Variants in PTGR1 observed in about 807,000 individuals in gnomAD.
PTGR1 encodes prostaglandin reductase 1.
A neutral mutation model predicts 37.7 loss-of-function variants in PTGR1; 23 were observed. The observed-to-expected ratio is 0.61, with a 90% CI of 0.44 to 0.86. The LOEUF (loss-of-function observed/expected upper bound fraction) is 0.86. Ranked by LOEUF, PTGR1 falls within the 40% of genes least tolerant of loss-of-function variation. The pLI, the probability that PTGR1 is intolerant of heterozygous loss-of-function variation, is 0.00. For synonymous variants in PTGR1, 134 were observed against 140.0 expected (o/e 0.96, Z 0.30); for missense variants, 351 against 394.3 (o/e 0.89, Z 0.93).
At chr9:111,571,947 G>T (rs1170015455) in intron 8 of PTGR1, among the ~76,000 whole-genome samples, 2 of 152,186 alleles carry the variant, frequency 1.3e-5, no homozygotes, top group African/African-American at 4.8e-5. Flanking sequence ...GTGTAAGGAA[G>T]AAAAAGTTTT....
chr9:111,593,936 T>C (rs1027159005), intron 3 of PTGR1, among the ~76,000 whole-genome samples: 3 of 140,648 alleles, frequency 2.1e-5, no homozygotes, highest in African/African-American at 5.3e-5. Context: ...TTTTTCCTTC[T>C]TTTTTTTTTT....
Position 111,565,912 on chromosome 9 carries a change from C to T in PTGR1, c.880-2681G>A, listed in dbSNP as rs73535446. Among the ~76,000 whole-genome samples, 524 of 152,172 alleles carry T rather than the reference C, an allele frequency of 3.4e-3. 4 individuals carry two copies. Among genetic ancestry groups the T allele is most frequent in the African/African-American group, 0.011 (475 of 41,506 alleles). On this transcript the variant is annotated intron_variant, in intron 9 of 9. Coordinates refer to ENST00000407693, the MANE Select transcript of PTGR1 (RefSeq NM_001146108.2). Reference sequence around the variant, plus strand: ...ATGTGAAAGAAATTAGGCCAACTCACGACTTAAAACCCACTAGGGCTGGGC... The same window carrying T: ...ATGTGAAAGAAATTAGGCCAACTCATGACTTAAAACCCACTAGGGCTGGGC...
intron 4 of PTGR1, among the ~76,000 whole-genome samples, chr9:111,590,778 G>A (rs1829586160): frequency 6.6e-6 from 1 of 151,870 alleles, no homozygotes; most frequent in African/African-American, 2.4e-5. Flanking sequence ...CATCCAAGAG[G>A]GTAAAGAATA....
At chr9:111,591,319 T>C (rs1287989203) in intron 4 of PTGR1, among the ~76,000 whole-genome samples, 2 of 149,260 alleles carry the variant, frequency 1.3e-5, no homozygotes, top group Non-Finnish European at 3.0e-5. Flanking sequence ...AATAATAAAA[T>C]AAAATGAAAT....
chr9:111,578,693 A>G (rs1829165100), intron 7 of PTGR1, 103 bp downstream of exon 7: 2 of 1,008,938 alleles, frequency 2.0e-6, no homozygotes, highest in African/African-American at 1.7e-5. Context: ...CCAGTTCCTG[A>G]TAGGCTATGG....
chr9:111,578,760 A>G (rs1829168034), intron 7 of PTGR1, 36 bp downstream of exon 7: 2 of 1,563,842 alleles, frequency 1.3e-6, no homozygotes, highest in African/African-American at 1.4e-5. Context: ...TAGTACTTCC[A>G]TAATAAATTA....
chr9:111,592,778 C>A, intron 4 of PTGR1, 148 bp downstream of exon 4: 3 of 1,105,080 alleles, frequency 2.7e-6, no homozygotes, highest in Non-Finnish European at 2.5e-6. Flanking sequence ...AGGAAGGAGA[C>A]AGAATTTCCC....
chr9:111,563,468 G>T, intron 9 of PTGR1: 3 of 387,082 alleles, frequency 7.8e-6, no homozygotes, highest in Middle Eastern at 7.2e-4. Flanking sequence ...ATCATAGTGC[G>T]AAATGTCATA....
At chr9:111,590,126 C>T (rs1257842917) in intron 4 of PTGR1, among the ~76,000 whole-genome samples, 1 of 151,972 alleles carries the variant, frequency 6.6e-6, no homozygotes, top group Non-Finnish European at 1.5e-5. Flanking sequence ...GAAGCTTTTA[C>T]AAATCAATAT....
intron 3 of PTGR1, among the ~76,000 whole-genome samples, chr9:111,593,456 G>A (rs934710175): frequency 6.6e-5 from 10 of 152,026 alleles, no homozygotes; most frequent in African/African-American, 1.7e-4. Context: ...ATTTACCGAG[G>A]CAAAAAAATA....
chr9:111,594,354 G>T, intron 2 of PTGR1, 87 bp from the exon 3 acceptor site: 1 of 1,222,684 alleles, frequency 8.2e-7, no homozygotes, highest in Non-Finnish European at 1.2e-6. Context: ...CAGGAGGGGT[G>T]AGACAGGGAC....
downstream of PTGR1, among the ~76,000 whole-genome samples, chr9:111,561,148 G>GGAGAGAGAGAGAGAGAGA (rs527553902): frequency 2.9e-5 from 1 of 34,848 alleles, no homozygotes; most frequent in Non-Finnish European, 4.9e-5. Flanking sequence ...GGAGAGAGAG[G>GGAGAGAGAGAGAGAGAGA]GAGAGAGAGA....
chr9:111,569,777 G>A (rs1042252329), intron 9 of PTGR1: 2 of 356,234 alleles, frequency 5.6e-6, no homozygotes, highest in Non-Finnish European at 5.4e-6. Flanking sequence ...CTCATATGTG[G>A]GTTTAAGGAA....
At chr9:111,580,867 G>A (rs191717988) in intron 6 of PTGR1, among the ~76,000 whole-genome samples, 3 of 152,084 alleles carry the variant, frequency 2.0e-5, no homozygotes, top group South Asian at 2.1e-4. Flanking sequence ...CTAGCATAGC[G>A]TCCCTAGGAA....
intron 9 of PTGR1, 172 bp downstream of exon 9, chr9:111,569,919 C>A: frequency 7.3e-6 from 8 of 1,089,966 alleles, no homozygotes; most frequent in Non-Finnish European, 1.0e-5. Flanking sequence ...GTTTTGTTTT[C>A]CTTTCAAAGA....
chr9:111,549,741 A>G, exon 10 of PTGR1: 4 of 1,550,288 alleles, frequency 2.6e-6, no homozygotes, highest in Non-Finnish European at 3.5e-6. Context: ...GGTGAATGAT[A>G]CATATTCCCT....
At chr9:111,593,835 G>A (rs377015255) in intron 3 of PTGR1, among the ~76,000 whole-genome samples, 2 of 151,970 alleles carry the variant, frequency 1.3e-5, no homozygotes, top group Admixed American at 6.6e-5. Flanking sequence ...ACAGGCCTGC[G>A]CCACCAGGCC....
At chr9:111,564,173 G>A (rs1052292918) in intron 9 of PTGR1, 7 of 988,854 alleles carry the variant, frequency 7.1e-6, no homozygotes, top group Admixed American at 5.6e-5. Context: ...CAAGTTTTTC[G>A]CTAATGTATT....
downstream of PTGR1, among the ~76,000 whole-genome samples, chr9:111,560,924 C>T (rs1828266650): frequency 8.3e-6 from 1 of 120,970 alleles, no homozygotes; most frequent in South Asian, 2.6e-4. Flanking sequence ...GCCTGGGCAA[C>T]AGAGTGAGAC....
Sources: gnomAD v4.1 joint callset for allele counts (sites outside exome capture counted in the v4.1 genomes callset) on GRCh38, gnomAD v4.1.1 for gene constraint, MANE v1.5 for transcripts, NCBI Gene and HGNC (gene_info 2026-07-23, HGNC 2026-07-21) for gene names.